Variants in PIWIL1 observed in about 807,000 individuals in gnomAD.
The protein encoded by PIWIL1 is piwi-like protein 1.
A neutral mutation model predicts 114.4 loss-of-function variants in PIWIL1; 73 were observed. The observed-to-expected ratio is 0.64, with a 90% confidence interval of 0.53 to 0.78. The LOEUF is 0.78. Among genes scored for constraint, PIWIL1 ranks in the 30% least tolerant of loss-of-function variants. The pLI is 0.00. For synonymous variants in PIWIL1, 375 were observed against 369.0 expected, an observed-to-expected ratio of 1.02 and a Z score of -0.19; for missense variants, 723 against 1,063.1, an observed-to-expected ratio of 0.68 and a Z score of 4.45.
chr12:130,342,726 G>C (rs11060834), intron 2 of PIWIL1, 57 bp downstream of exon 2: 212,695 of 1,336,394 alleles, frequency 0.16, 18,234 homozygotes, highest in South Asian at 0.23. Context: ...GATCAGCCTA[G>C]GCTGTTGAAA....
the PIWIL1 span, chr12:130,425,188 G>A: frequency 2.0e-4 from 46 of 227,740 alleles, no homozygotes; most frequent in African/African-American, 1.0e-3. Context: ...CGGTACCGCT[G>A]CTGTAGATGG....
chr12:130,339,112 G>A (rs28416520), intron 1 of PIWIL1, among the ~76,000 whole-genome samples: 55,821 of 151,960 alleles, frequency 0.37, 11,499 homozygotes, highest in Middle Eastern at 0.53. Flanking sequence ...GCGCCCCCGG[G>A]AGCCTTGGGA....
the PIWIL1 span, chr12:130,424,792 G>A: frequency 2.4e-6 from 3 of 1,232,916 alleles, no homozygotes; most frequent in South Asian, 4.1e-5. The surrounding 1 kb of genome is among the most constrained non-coding windows in gnomAD (Gnocchi z 9.8). Context: ...CTCTTCCTGT[G>A]GGGCTGGTGG....
At chr12:130,375,129 G>A (rs541241632), downstream of PIWIL1, among the ~76,000 whole-genome samples, 20 of 152,214 alleles carry the variant, frequency 1.3e-4, no homozygotes, top group African/African-American at 3.6e-4. Context: ...CCCGAGCTCC[G>A]ATTCCTCCTT....
chr12:130,371,095 G>C, intron 19 of PIWIL1, 81 bp from the exon 20 acceptor site: 1 of 1,156,422 alleles, frequency 8.6e-7, no homozygotes, highest in Non-Finnish European at 1.3e-6. Flanking sequence ...GTGAAGAGTG[G>C]TACAGAGCTT....
downstream of PIWIL1, among the ~76,000 whole-genome samples, chr12:130,373,498 C>G (rs1040455520): frequency 1.3e-5 from 2 of 152,146 alleles, no homozygotes; most frequent in Admixed American, 1.3e-4. Flanking sequence ...AGAAAACTGG[C>G]TGAAGTTATT....
the PIWIL1 span, among the ~76,000 whole-genome samples, chr12:130,421,691 A>ATGTGTGTGTGTGTGTGTGTGTGTG: frequency 4.2e-4 from 62 of 147,292 alleles, no homozygotes; most frequent in African/African-American, 1.6e-3. Flanking sequence ...CTGCATTTAT[A>ATGTGTGTGTGTGTGTGTGTGTGTG]TGTGTGTGTG....
chr12:130,402,855 C>G, the PIWIL1 span, among the ~76,000 whole-genome samples: 1 of 152,158 alleles, frequency 6.6e-6, no homozygotes, highest in African/African-American at 2.4e-5. Context: ...TAGGAAGGTA[C>G]AGGATTTAAG....
intron 9 of PIWIL1, among the ~76,000 whole-genome samples, chr12:130,354,161 A>G (rs2073296718): frequency 6.6e-6 from 1 of 152,180 alleles, no homozygotes; most frequent in African/African-American, 2.4e-5. Flanking sequence ...AAGTTCTCTC[A>G]GTAACAGAGA....
At position 130,357,069 on chromosome 12, in the gene PIWIL1, C is replaced by T; in HGVS notation, c.1556C>T (p.Thr519Ile). 4 of 1,612,970 alleles carry T rather than the reference C, an allele frequency of 2.5e-6. No homozygotes were observed. Among genetic ancestry groups the T allele is most frequent in the Non-Finnish European group, 2.5e-6 (3 of 1,179,428 alleles). The part of the protein sequence containing the change: ...NSLIQNLFKV[T>I]PAMGMQMRKA... ...TTGATACAAAATCTATTTAAAGTTACACCAGCCATGGGCATGCAAATGAGA... is the reference window on the plus strand; with the variant it reads ...TTGATACAAAATCTATTTAAAGTTATACCAGCCATGGGCATGCAAATGAGA... The change falls in exon 13 of 21, where the codon ACA becomes ATA. Residue 519 changes from threonine to isoleucine, a missense_variant. By Grantham distance (89) the Thr-to-Ile change is moderately conservative. Transcript: ENST00000245255.
chr12:130,425,070 G>GGCAGAGCACAC, the PIWIL1 span: 1 of 392,848 alleles, frequency 2.5e-6, no homozygotes, highest in Non-Finnish European at 4.5e-6. Flanking sequence ...TGGAGGCTGA[G>GGCAGAGCACAC]GCAGAGCACA....
At chr12:130,412,591 G>A in the PIWIL1 span, 9 of 1,603,824 alleles carry the variant, frequency 5.6e-6, no homozygotes, top group Non-Finnish European at 7.7e-6. Context: ...AAATGCACAG[G>A]GAAGGTCGAA....
chr12:130,364,829 T>C (rs931613463), intron 18 of PIWIL1, among the ~76,000 whole-genome samples: 18 of 152,202 alleles, frequency 1.2e-4, no homozygotes, highest in Admixed American at 2.0e-4. Context: ...CAGTGTTTTC[T>C]AGTCTTTATT....
At chr12:130,349,170 C>A in intron 7 of PIWIL1, 69 bp from the exon 8 acceptor site, 1 of 1,142,160 alleles carries the variant, frequency 8.8e-7, no homozygotes, top group South Asian at 1.4e-5. Context: ...AAAGTGAAAA[C>A]GCAACTTAGT....
the PIWIL1 span, among the ~76,000 whole-genome samples, chr12:130,389,611 A>C: frequency 6.6e-6 from 1 of 152,128 alleles, no homozygotes; most frequent in African/African-American, 2.4e-5. Context: ...CGGCTGTATG[A>C]TTATGTTCTT....
the PIWIL1 span, among the ~76,000 whole-genome samples, chr12:130,411,173 C>T: frequency 6.6e-6 from 1 of 152,182 alleles, no homozygotes; most frequent in East Asian, 1.9e-4. Context: ...GGAAATAGAA[C>T]TGATTTTTGT....
chr12:130,401,624 TTA>T, the PIWIL1 span, among the ~76,000 whole-genome samples: 1 of 151,888 alleles, frequency 6.6e-6, no homozygotes, highest in Non-Finnish European at 1.5e-5. Flanking sequence ...CATTATTAGC[TTA>T]TTTTTCTCTG....
At chr12:130,370,165 G>T (rs1031580461) in intron 19 of PIWIL1, among the ~76,000 whole-genome samples, 2 of 151,576 alleles carry the variant, frequency 1.3e-5, no homozygotes, top group Non-Finnish European at 2.9e-5. Flanking sequence ...ATAATAAATC[G>T]CAGGGTTAAT....
the PIWIL1 span, among the ~76,000 whole-genome samples, chr12:130,406,951 T>C: frequency 6.6e-6 from 1 of 152,334 alleles, no homozygotes; most frequent in South Asian, 2.1e-4. Context: ...TAAACATCTC[T>C]TTATTCAGTG....
Sources: allele counts gnomAD v4.1 joint callset (sites outside exome capture counted in the v4.1 genomes callset), GRCh38; gene constraint gnomAD v4.1.1; non-coding constraint Gnocchi (gnomAD v3.1); transcripts MANE v1.5; gene names NCBI Gene and HGNC (gene_info 2026-07-23, HGNC 2026-07-21).